FGF2: variants seen among roughly 807,000 people sequenced by gnomAD.
FGF2 encodes basic fibroblast growth factor bFGF.
A neutral mutation model predicts 15.9 loss-of-function variants in FGF2; 13 were observed. The ratio of observed to expected loss-of-function variants is 0.82; its 90% CI spans 0.53 to 1.30. The LOEUF is 1.30. FGF2 is among the 50% of genes most tolerant of loss of function. FGF2 has a pLI of 0.00. For missense variants in FGF2, 163 were observed against 196.9 expected (o/e 0.83, Z 1.03); for synonymous variants, 90 against 78.4 (o/e 1.15, Z -0.78).
At chr4:122,841,333 C>T (rs1725980192) in intron 1 of FGF2, among the ~76,000 whole-genome samples, 2 of 152,186 alleles carry the variant, frequency 1.3e-5, no homozygotes, top group South Asian at 2.1e-4. Context: ...TGTGCTGACC[C>T]CTGGCTTAGG....
chr4:122,897,484 G>A lies in FGF2; in HGVS notation c.*5088G>A. 6 of 676,732 alleles carry A rather than the reference G, an allele frequency of 8.9e-6. No homozygotes were observed. Among genetic ancestry groups the A allele is most frequent in the South Asian group, 5.0e-5 (3 of 59,492 alleles). 41.9% of individuals were successfully genotyped at this position (676,732 alleles called of 1,614,324 possible). A position where few individuals can be genotyped will look rare whatever the true frequency, so the allele number is the denominator to read the frequency against. ...TTATGCTGCTAATTATATCAGCTCT[G>A]AGGTAATTTCTGAAATGTTCAGACT... On this transcript the variant is annotated 3_prime_UTR_variant, in exon 3 of 3. Transcript: ENST00000644866.
chr4:122,897,103 C>A lies in FGF2; in HGVS notation c.*4707C>A. On this transcript the variant is annotated 3_prime_UTR_variant, in exon 3 of 3. Transcript: ENST00000644866. ...TGAGACTTTCTTATATGACATTTTA[C>A]TATGTTTTGACTACCTGACTATTAA... The A allele has an allele frequency of 6.6e-6, 1 of 152,348 alleles. No individual in the cohort carries two copies. The highest frequency in any genetic ancestry group is 1.5e-5 in the Non-Finnish European group (1 of 68,128). The allele number at this position is 152,348 out of a possible 1,614,324, so 9.4% of individuals were successfully genotyped here.
At chr4:122,871,974 G>T (rs562863228) in intron 1 of FGF2, among the ~76,000 whole-genome samples, 1 of 152,196 alleles carries the variant, frequency 6.6e-6, no homozygotes, top group Non-Finnish European at 1.5e-5. Flanking sequence ...TCCTCCAAAT[G>T]ATCGCAATGT....
rs1727391785 is a variant in FGF2, at chr4:122,897,276, TTTAA to T, written c.*4883_*4886del. 4.8e-6 allele frequency: 1 copy of T among 207,516 alleles called. No homozygotes were observed. The highest frequency in any genetic ancestry group is 5.7e-5 in the Admixed American group (1 of 17,440). 12.9% of individuals were successfully genotyped at this position (207,516 alleles called of 1,614,324 possible). A position where few individuals can be genotyped will look rare whatever the true frequency, so the allele number is the denominator to read the frequency against. On this transcript the variant is annotated 3_prime_UTR_variant, in exon 3 of 3. Transcript: ENST00000644866. ...TGGTCAGGAATTTGTTTTCTCATAGTTTAATTCCAACAACAATATTAGTCGTATC... is the reference window on the plus strand; with the variant it reads ...TGGTCAGGAATTTGTTTTCTCATAGTTTCCAACAACAATATTAGTCGTATC...
intron 1 of FGF2, among the ~76,000 whole-genome samples, chr4:122,841,743 A>G (rs1725988915): frequency 6.6e-6 from 1 of 152,210 alleles, no homozygotes; most frequent in Non-Finnish European, 1.5e-5. Context: ...CGTCCACCCA[A>G]CTTTTAACAG....
intron 2 of FGF2, among the ~76,000 whole-genome samples, chr4:122,890,529 TA>T (rs745440581): frequency 6.6e-5 from 10 of 152,246 alleles, no homozygotes; most frequent in African/African-American, 1.2e-4. Flanking sequence ...TTACAGGATC[TA>T]ATACCACACC....
intron 1 of FGF2, among the ~76,000 whole-genome samples, chr4:122,866,098 G>A (rs1176187353): frequency 1.3e-5 from 2 of 152,170 alleles, no homozygotes; most frequent in South Asian, 2.1e-4. Context: ...GGCCGGGCGC[G>A]GTGGCTCATG....
At chr4:122,863,041 TACAAAC>T (rs1726503981) in intron 1 of FGF2, among the ~76,000 whole-genome samples, 1 of 152,238 alleles carries the variant, frequency 6.6e-6, no homozygotes, top group Admixed American at 6.5e-5. Flanking sequence ...AAATGTAAAA[TACAAAC>T]ACAGAAAATC....
rs111739298 is a variant in FGF2, at chr4:122,876,364, C to T, written c.222C>T (p.Ile74=). 5.9e-5 allele frequency: 95 copies of T among 1,613,340 alleles called. No individual in the cohort carries two copies. In the African/African-American group the frequency reaches 9.9e-4, roughly 17 times the overall value. The change falls in exon 2 of 3, where the codon ATC becomes ATT. Residue 74 remains isoleucine, a synonymous_variant. Coordinates refer to ENST00000644866, the MANE Select transcript of FGF2 (RefSeq NM_001361665.2). The stretch of plus-strand genomic sequence containing the variant: ...CAGAAGAGAGAGGAGTTGTGTCTAT[C>T]AAAGGAGTGTGTGCTAACCGTTACC... The part of the protein sequence containing the change: ...LQAEERGVVS[I]KGVCANRYLA...
At chr4:122,840,465 T>C (rs1226767272) in intron 1 of FGF2, 1 of 152,366 alleles carries the variant, frequency 6.6e-6, no homozygotes, top group East Asian at 1.9e-4. Flanking sequence ...AGTTTGTCAT[T>C]TGAAACATAG....
intron 1 of FGF2, among the ~76,000 whole-genome samples, chr4:122,873,831 A>T (rs528213040): frequency 7.4e-6 from 1 of 134,816 alleles, no homozygotes; most frequent in South Asian, 2.1e-4. Context: ...TTATATGCCA[A>T]TGGAAACACT....
At chr4:122,840,663 C>A in intron 1 of FGF2, 1 of 192,850 alleles carries the variant, frequency 5.2e-6, no homozygotes, top group Non-Finnish European at 1.1e-5. Flanking sequence ...TGGGTGCTGC[C>A]CCACGACCTC....
At chr4:122,888,107 G>T (rs1237188244) in intron 2 of FGF2, among the ~76,000 whole-genome samples, 1 of 152,128 alleles carries the variant, frequency 6.6e-6, no homozygotes, top group African/African-American at 2.4e-5. Flanking sequence ...TATAAAATCT[G>T]TTCCTACTCA....
At position 122,830,750 on chromosome 4, in the gene FGF2, T is replaced by C. The variant is rs368771454; in HGVS notation, c.178+3398T>C. ...AGCACGTACAACATGTGGTAGAGTA[T>C]AGTAAGTGAAATGTATGCTGCTTAT... On this transcript the variant is annotated intron_variant, in intron 1 of 2. Coordinates refer to ENST00000644866, the MANE Select transcript of FGF2 (RefSeq NM_001361665.2). 2.1e-4 allele frequency among the ~76,000 whole-genome samples: 30 copies of C among 140,762 alleles called. 1 individual carries two copies. In the South Asian group the frequency reaches 6.1e-3, roughly 29 times the overall value. 92.3% of individuals were successfully genotyped at this position (140,762 alleles called of 152,430 possible).
chr4:122,838,133 C>T (rs1725903470), intron 1 of FGF2, among the ~76,000 whole-genome samples: 1 of 152,262 alleles, frequency 6.6e-6, no homozygotes, highest in East Asian at 1.9e-4. Flanking sequence ...CAGAGACACC[C>T]TCAGCTGTTA....
chr4:122,870,184 G>A (rs997870523), intron 1 of FGF2, among the ~76,000 whole-genome samples: 1 of 152,144 alleles, frequency 6.6e-6, no homozygotes, highest in Non-Finnish European at 1.5e-5. Context: ...GGATGAAGTC[G>A]ACTTGATCGC....
intron 2 of FGF2, chr4:122,888,656 C>T (rs1216585399): frequency 1.3e-5 from 2 of 152,228 alleles, no homozygotes; most frequent in African/African-American, 2.4e-5. Flanking sequence ...GAATGCTCTT[C>T]TCTGATAGCT....
In FGF2 at chr4:122,881,207, A is replaced by G. The variant is rs938242016; in HGVS notation, c.282+4783A>G. The stretch of plus-strand genomic sequence containing the variant: ...AACCTCTGGGCCTGTGATGGGAAGG[A>G]CTGCTGCAAAGGTCTCTGACATTCC... On this transcript the variant is annotated intron_variant, in intron 2 of 2. Coordinates refer to ENST00000644866, the MANE Select transcript of FGF2 (RefSeq NM_001361665.2). Among the ~76,000 whole-genome samples the G allele has an allele frequency of 3.3e-5, 5 of 152,274 alleles. No individual in the cohort carries two copies. The East Asian group carries it at 9.6e-4, about 29-fold the overall frequency.
intron 1 of FGF2, among the ~76,000 whole-genome samples, chr4:122,844,810 A>C (rs1026761175): frequency 2.0e-5 from 3 of 151,760 alleles, no homozygotes; most frequent in Non-Finnish European, 4.4e-5. Context: ...CTATTTTAAA[A>C]ATTTTTTGTA....
Sources: gnomAD v4.1 joint callset for allele counts (sites outside exome capture counted in the v4.1 genomes callset) on GRCh38, gnomAD v4.1.1 for gene constraint, MANE v1.5 for transcripts, NCBI Gene and HGNC (gene_info 2026-07-23, HGNC 2026-07-21) for gene names.